The following AGBL3 variants were observed in gnomAD, a reference collection of about 807,000 sequenced individuals.
AGBL3 encodes cytosolic carboxypeptidase 3.
A neutral mutation model predicts 94.5 loss-of-function variants in AGBL3; 68 were observed. The ratio of observed to expected loss-of-function variants is 0.72; its 90% CI spans 0.59 to 0.88. The LOEUF is 0.88. AGBL3 is among the 40% of genes least tolerant of loss of function. The probability of loss-of-function intolerance (pLI) is 0.00; values close to 1 mark genes in which losing one functional copy is unlikely to be tolerated. For synonymous variants in AGBL3, 354 were observed against 370.7 expected, an observed-to-expected ratio of 0.95 and a Z score of 0.52; for missense variants, 934 against 1,103.8, an observed-to-expected ratio of 0.85 and a Z score of 2.18.
rs369823039 is a variant in AGBL3 at position 135,002,468 on chromosome 7, T to C, written c.310+8790T>C. ...TGTCTGTATGGAATGCCCACGTGGC[T>C]GGCTTTAGTTATTCAGTCCCCCGCC... On this transcript the variant is annotated intron_variant, in intron 4 of 16. Transcript: ENST00000436302. Among the ~76,000 whole-genome samples the C allele has an allele frequency of 5.3e-5, 8 of 152,248 alleles. No homozygotes were observed. The South Asian group carries it at 1.0e-3, about 20-fold the overall frequency.
chr7:135,107,490 G>T (rs1186384870), intron 15 of AGBL3, among the ~76,000 whole-genome samples: 2 of 152,142 alleles, frequency 1.3e-5, no homozygotes, highest in Non-Finnish European at 2.9e-5. Flanking sequence ...TCATTCAGGA[G>T]CATGTTGTTT....
intron 3 of AGBL3, 145 bp from the exon 4 acceptor site, chr7:134,993,348 T>A (rs1030037177): frequency 1.5e-6 from 1 of 648,862 alleles, no homozygotes; most frequent in Non-Finnish European, 2.3e-6. Flanking sequence ...AGTACTTTTA[T>A]AAACAGTGCC....
intron 15 of AGBL3, among the ~76,000 whole-genome samples, chr7:135,085,705 C>T (rs2116878553): frequency 6.6e-6 from 1 of 152,122 alleles, no homozygotes; most frequent in East Asian, 1.9e-4. Flanking sequence ...CATTGGTCTA[C>T]ATATCTGTTT....
intron 12 of AGBL3, among the ~76,000 whole-genome samples, chr7:135,060,052 C>CTA (rs1818691467): frequency 6.6e-6 from 1 of 152,038 alleles, no homozygotes; most frequent in African/African-American, 2.4e-5. Flanking sequence ...TAGAGAATAC[C>CTA]CAGGCAAGAT....
chr7:135,132,902 A>G (rs1368399470), intron 16 of AGBL3, among the ~76,000 whole-genome samples: 1 of 152,216 alleles, frequency 6.6e-6, no homozygotes, highest in Admixed American at 6.5e-5. Context: ...ACACCACTCT[A>G]TTGAACATTG....
At chr7:135,102,580 C>T (rs577490727) in intron 15 of AGBL3, among the ~76,000 whole-genome samples, 8 of 149,836 alleles carry the variant, frequency 5.3e-5, no homozygotes, top group Non-Finnish European at 1.2e-4. Flanking sequence ...AAATTTTCAC[C>T]AAGAGTACTT....
chr7:135,045,276 T>C (rs986361950), intron 9 of AGBL3, among the ~76,000 whole-genome samples, 198 bp from the exon 10 acceptor site: 19 of 152,146 alleles, frequency 1.2e-4, no homozygotes, highest in African/African-American at 4.6e-4. Context: ...TAATGTATGT[T>C]AAATCAGCTT....
chr7:135,066,302 T>G (rs1323070632), intron 12 of AGBL3, among the ~76,000 whole-genome samples: 4 of 152,202 alleles, frequency 2.6e-5, no homozygotes, highest in Non-Finnish European at 5.9e-5. Flanking sequence ...CTAAGCTGAT[T>G]TTAAAATGGG....
chr7:135,115,303 TG>T, intron 15 of AGBL3, 76 bp from the exon 16 acceptor site: 1 of 922,928 alleles, frequency 1.1e-6, no homozygotes, highest in Non-Finnish European at 1.6e-6. Context: ...ATAAAATCCT[TG>T]GCATATAATA....
chr7:135,052,811 T>TTATC (rs1308144160), intron 11 of AGBL3, among the ~76,000 whole-genome samples: 1 of 152,206 alleles, frequency 6.6e-6, no homozygotes. Context: ...ATATCATGTG[T>TTATC]TATCTATCTA....
chr7:135,132,071 G>A (rs930782092), intron 16 of AGBL3, among the ~76,000 whole-genome samples: 29 of 152,090 alleles, frequency 1.9e-4, no homozygotes, highest in Non-Finnish European at 4.0e-4. Context: ...GGCCTAGGTG[G>A]TTTTAGAAGA....
At chr7:135,018,974 T>C (rs1341319881) in intron 5 of AGBL3, among the ~76,000 whole-genome samples, 1 of 152,130 alleles carries the variant, frequency 6.6e-6, no homozygotes, top group African/African-American at 2.4e-5. Flanking sequence ...CCCAGAAAGT[T>C]CCCATCTCTC....
intron 4 of AGBL3, among the ~76,000 whole-genome samples, chr7:135,002,695 C>G (rs920052988): frequency 1.3e-5 from 2 of 152,176 alleles, no homozygotes; most frequent in African/African-American, 4.8e-5. Flanking sequence ...TTTGGACAAC[C>G]TAGGCCATCT....
chr7:135,059,150 A>G lies in AGBL3; in HGVS notation c.1842-19A>G. 1.9e-6 allele frequency: 3 copies of G among 1,544,604 alleles called. No individual in the cohort carries two copies. The highest frequency in any genetic ancestry group is 2.6e-6 in the Non-Finnish European group (3 of 1,143,432). On this transcript the variant is annotated intron_variant, in intron 11 of 16. Coordinates refer to ENST00000436302, the MANE Select transcript of AGBL3 (RefSeq NM_178563.4). Reference sequence around the variant, plus strand: ...ATGCCACCAAAACACTGTATAAACCAAAATTATTTTTTTTGTAGTAGCCGA... The same window carrying G: ...ATGCCACCAAAACACTGTATAAACCGAAATTATTTTTTTTGTAGTAGCCGA...
intron 15 of AGBL3, among the ~76,000 whole-genome samples, chr7:135,106,467 A>T (rs1824735960): frequency 6.6e-6 from 1 of 152,208 alleles, no homozygotes; most frequent in Non-Finnish European, 1.5e-5. Flanking sequence ...ATCTATTGAG[A>T]AAATCACGTG....
intron 11 of AGBL3, among the ~76,000 whole-genome samples, chr7:135,054,369 TA>T (rs1182586080): frequency 6.6e-6 from 1 of 152,240 alleles, no homozygotes; most frequent in Non-Finnish European, 1.5e-5. Flanking sequence ...AAATTCCTTT[TA>T]TAGCTGCTGC....
At chr7:134,994,172 C>T (rs569872188) in intron 4 of AGBL3, among the ~76,000 whole-genome samples, 2 of 152,296 alleles carry the variant, frequency 1.3e-5, no homozygotes, top group East Asian at 3.9e-4. Context: ...TGTAGTCCTG[C>T]TCTTTGTGGC....
At chr7:135,068,011 C>A (rs1209011041) in intron 12 of AGBL3, among the ~76,000 whole-genome samples, 1 of 151,536 alleles carries the variant, frequency 6.6e-6, no homozygotes, top group African/African-American at 2.4e-5. Context: ...GAATGGCTAA[C>A]TAGAATAACC....
chr7:135,059,649 C>T (rs776212001), intron 12 of AGBL3, among the ~76,000 whole-genome samples: 102 of 152,260 alleles, frequency 6.7e-4, no homozygotes, highest in Admixed American at 1.1e-3. Context: ...TGTTATCTTA[C>T]ATTCTGGCTG....
Sources: allele counts gnomAD v4.1 joint callset (sites outside exome capture counted in the v4.1 genomes callset), GRCh38; gene constraint gnomAD v4.1.1; transcripts MANE v1.5; gene names NCBI Gene and HGNC (gene_info 2026-07-23, HGNC 2026-07-21).